The following UTP4 variants were observed in gnomAD, a reference collection of about 807,000 sequenced individuals.
The protein encoded by UTP4 is U3 small nucleolar RNA-associated protein 4 homolog.
A neutral mutation model predicts 82.4 loss-of-function variants in UTP4; 45 were observed. That is an observed-to-expected ratio of 0.55 (90% CI 0.43 to 0.70). UTP4 has a LOEUF of 0.70. Among genes scored for constraint, UTP4 ranks in the 30% least tolerant of loss-of-function variants. The pLI, the probability that UTP4 is intolerant of heterozygous loss-of-function variation, is 0.00. For synonymous variants in UTP4, 348 were observed against 300.3 expected (o/e 1.16, Z -1.64); for missense variants, 819 against 858.3 (o/e 0.95, Z 0.57).
At chr16:69,137,917 G>T in intron 4 of UTP4, 32 bp downstream of exon 4, 1 of 1,305,652 alleles carries the variant, frequency 7.7e-7, no homozygotes, top group Non-Finnish European at 1.1e-6. Flanking sequence ...GCGGTAAATA[G>T]CCTTAACAAG....
intron 6 of UTP4, among the ~76,000 whole-genome samples, chr16:69,145,489 G>T (rs1410070316): frequency 6.6e-6 from 1 of 152,094 alleles, no homozygotes; most frequent in Non-Finnish European, 1.5e-5. Context: ...CTGACCTCAG[G>T]TGATCCACCA....
intron 8 of UTP4, among the ~76,000 whole-genome samples, chr16:69,153,129 C>T (rs1195962655): frequency 6.6e-6 from 1 of 152,144 alleles, no homozygotes; most frequent in Admixed American, 6.6e-5. Context: ...CTTTTTGTTC[C>T]CTCAAATACT....
intron 16 of UTP4, among the ~76,000 whole-genome samples, chr16:69,168,426 A>ACT (rs71148968): frequency 7.6e-6 from 1 of 131,336 alleles, no homozygotes; most frequent in Non-Finnish European, 1.6e-5. Flanking sequence ...GCAGAGCGAG[A>ACT]CTGTCTCAAA....
chr16:69,155,056 G>T (rs1484492873), intron 10 of UTP4, among the ~76,000 whole-genome samples: 3 of 151,604 alleles, frequency 2.0e-5, no homozygotes, highest in South Asian at 4.1e-4. Flanking sequence ...AGTACAAAAG[G>T]GTATACAATG....
At chr16:69,149,389 C>A (rs560731938) in intron 6 of UTP4, among the ~76,000 whole-genome samples, 51 of 151,160 alleles carry the variant, frequency 3.4e-4, no homozygotes, top group African/African-American at 7.0e-4. Flanking sequence ...TCAAAAAAAA[C>A]AAAAACAAAA....
At chr16:69,134,397 C>T (rs1316419549) in intron 2 of UTP4, among the ~76,000 whole-genome samples, 1 of 151,876 alleles carries the variant, frequency 6.6e-6, no homozygotes, top group African/African-American at 2.4e-5. Context: ...CTTTACGGAG[C>T]TCAAAGACCA....
chr16:69,144,663 A>G (rs1272132562), intron 6 of UTP4, among the ~76,000 whole-genome samples: 2 of 152,216 alleles, frequency 1.3e-5, no homozygotes, highest in Admixed American at 6.5e-5. Context: ...CGACATCCAT[A>G]TTCTAGTGTA....
chr16:69,156,583 C>T (rs1452186821), intron 11 of UTP4, among the ~76,000 whole-genome samples: 3 of 151,970 alleles, frequency 2.0e-5, no homozygotes, highest in African/African-American at 4.8e-5. Flanking sequence ...CTCAGCCTCC[C>T]GAGTAGCTGG....
intron 12 of UTP4, 91 bp from the exon 13 acceptor site, chr16:69,160,265 A>G: frequency 2.1e-6 from 2 of 930,974 alleles, no homozygotes; most frequent in Non-Finnish European, 1.8e-6. Context: ...TAAAACTCTA[A>G]TGGTCTCCTT....
chr16:69,145,274 T>A (rs1963077388), intron 6 of UTP4, among the ~76,000 whole-genome samples: 1 of 152,146 alleles, frequency 6.6e-6, no homozygotes, highest in South Asian at 2.1e-4. Flanking sequence ...TTAAAAAATT[T>A]TTTTGAGACA....
chr16:69,143,390 G>T lies in UTP4; in HGVS notation c.738+1G>T. The T allele has an allele frequency of 6.2e-7, 1 of 1,613,598 alleles. No homozygotes were observed. Among genetic ancestry groups the T allele is most frequent in the Non-Finnish European group, 8.5e-7 (1 of 1,179,530 alleles). On this transcript the variant is annotated splice_donor_variant, in intron 6 of 16. Coordinates refer to ENST00000314423, the MANE Select transcript of UTP4 (RefSeq NM_032830.3). LOFTEE classifies it high-confidence loss of function. ...CGTGCAGTCCATTGCTGTAGCTGAC[G>T]TGAGTACAGTCCCTGTTTAGAGTGG... is the stretch of plus-strand genomic sequence containing the variant.
chr16:69,164,329 T>C (rs1186593804), intron 14 of UTP4, among the ~76,000 whole-genome samples: 1 of 151,952 alleles, frequency 6.6e-6, no homozygotes, highest in Non-Finnish European at 1.5e-5. Context: ...AATGATAATT[T>C]CCCCCATGAC....
intron 15 of UTP4, chr16:69,166,456 T>A (rs1890358828): frequency 1.3e-5 from 2 of 152,728 alleles, no homozygotes; most frequent in African/African-American, 4.8e-5. Context: ...TGAGCCCAGA[T>A]CATTTTTTCC....
rs552438928 is a variant in UTP4, at chr16:69,163,067, T to C, written c.1552-16T>C. On this transcript the variant is annotated splice_polypyrimidine_tract_variant and intron_variant, in intron 13 of 16. Coordinates refer to ENST00000314423, the MANE Select transcript of UTP4 (RefSeq NM_032830.3). ...GTCACTTAGAGTTGCCACTTGTGTC[T>C]GTTATTTGTTCCCAGCTTCACTGCA... The C allele has an allele frequency of 1.2e-5, 19 of 1,605,360 alleles. No homozygotes were observed. The African/African-American group carries it at 2.3e-4, about 19-fold the overall frequency.
rs760726526 is a variant in UTP4, at chr16:69,143,255, G to T, written c.604G>T (p.Ala202Ser). 3.7e-6 allele frequency: 6 copies of T among 1,614,164 alleles called. No individual in the cohort carries two copies. The highest frequency in any genetic ancestry group is 4.2e-6 in the Non-Finnish European group (5 of 1,180,022). The change falls in exon 6 of 17, where the codon GCC becomes TCC. Residue 202 changes from alanine to serine, a missense_variant. By Grantham distance (99) the Ala-to-Ser change is moderately conservative (BLOSUM62 1). Transcript: ENST00000314423. The stretch of plus-strand genomic sequence containing the variant: ...GCGGAAGTGCATCGTGTGGGGTGTC[G>T]CCTTCTTGTCCGATGGCACTATCAT... ...SKRKCIVWGV[A>S]FLSDGTIISV...
intron 2 of UTP4, among the ~76,000 whole-genome samples, chr16:69,135,899 C>T (rs1414885695): frequency 1.3e-5 from 2 of 152,148 alleles, no homozygotes; most frequent in Non-Finnish European, 1.5e-5. Flanking sequence ...CGTGGTGGCA[C>T]ATGCCTGTAA....
intron 2 of UTP4, among the ~76,000 whole-genome samples, chr16:69,134,805 T>A (rs1250620884): frequency 1.4e-5 from 2 of 147,660 alleles, no homozygotes; most frequent in Non-Finnish European, 3.0e-5. Context: ...CTCTCCTGCC[T>A]CAGCCTTCCA....
chr16:69,159,723 C>T, intron 12 of UTP4, among the ~76,000 whole-genome samples: 1 of 151,338 alleles, frequency 6.6e-6, no homozygotes, highest in East Asian at 2.0e-4. Flanking sequence ...CACGGTGGCT[C>T]ACGCCTGTAA....
chr16:69,168,734 G>A, intron 16 of UTP4, 87 bp from the exon 17 acceptor site: 1 of 852,484 alleles, frequency 1.2e-6, no homozygotes, highest in East Asian at 2.4e-5. Context: ...TAACCTTTTA[G>A]CTTAGATGGT....
Sources: allele counts gnomAD v4.1 joint callset (sites outside exome capture counted in the v4.1 genomes callset), GRCh38; gene constraint gnomAD v4.1.1; transcripts MANE v1.5; gene names NCBI Gene and HGNC (gene_info 2026-07-23, HGNC 2026-07-21).